The following CDH18 variants were observed in gnomAD, a reference collection of about 807,000 sequenced individuals.
CDH18 encodes the protein cadherin 18.
CDH18 carries 31 observed loss-of-function variants against 67.9 expected under a neutral mutation model. The ratio of observed to expected loss-of-function variants is 0.46; its 90% CI spans 0.34 to 0.62. CDH18 has a LOEUF of 0.62. CDH18 is among the 20% of genes least tolerant of loss of function. CDH18 has a pLI of 0.01. For synonymous variants in CDH18, 362 were observed against 347.2 expected, an observed-to-expected ratio of 1.04 and a Z score of -0.48; for missense variants, 890 against 975.5, an observed-to-expected ratio of 0.91 and a Z score of 1.17.
At chr5:19,618,498 GC>G (rs1340553065) in intron 5 of CDH18, among the ~76,000 whole-genome samples, 1 of 152,022 alleles carries the variant, frequency 6.6e-6, no homozygotes, top group Non-Finnish European at 1.5e-5. Flanking sequence ...GAGCCACCGT[GC>G]CTGGCCTACT....
At chr5:19,696,016 A>G (rs1332363177) in intron 5 of CDH18, among the ~76,000 whole-genome samples, 1 of 152,184 alleles carries the variant, frequency 6.6e-6, no homozygotes, top group Non-Finnish European at 1.5e-5. Context: ...TTTTCATCTA[A>G]AAAAATTCTC....
chr5:20,520,206 A>G (rs1755661013), intron 1 of CDH18, among the ~76,000 whole-genome samples: 1 of 151,896 alleles, frequency 6.6e-6, no homozygotes, highest in Non-Finnish European at 1.5e-5. Flanking sequence ...ACTAGGACCA[A>G]GTAGAGGTAA....
rs1220291518 is a variant in CDH18 at position 20,379,403 on chromosome 5, A to G, written c.-579-123898T>C. 2.6e-5 allele frequency among the ~76,000 whole-genome samples: 4 copies of G among 152,202 alleles called. No homozygotes were observed. The East Asian group carries it at 7.7e-4, about 29-fold the overall frequency. On this transcript the variant is annotated intron_variant, in intron 1 of 14. Coordinates refer to the CDH18 transcript ENST00000507958. ...ATGCCAACTTCAGTTTCTCCTGAGC[A>G]GGTATCATATTGTCAGCCTCAAAAA...
rs148808810 is a variant in CDH18 at position 20,521,679 on chromosome 5, T to C, written c.-580+53783A>G. The stretch of plus-strand genomic sequence containing the variant: ...GTGTAGAGTTAATGGCAAATGCGTT[T>C]GTAGGCTGATTACAATAACTCAGCA... On this transcript the variant is annotated intron_variant, in intron 1 of 14. Transcript: ENST00000507958. 5.9e-3 allele frequency among the ~76,000 whole-genome samples: 897 copies of C among 152,170 alleles called. 9 individuals carry two copies. The highest frequency in any genetic ancestry group is 0.037 in the Middle Eastern group (11 of 294).
At chr5:19,906,804 G>A (rs1790587130) in intron 2 of CDH18, among the ~76,000 whole-genome samples, 1 of 151,922 alleles carries the variant, frequency 6.6e-6, no homozygotes. Flanking sequence ...ATTGGGCCAT[G>A]ATAATAATAA....
intron 2 of CDH18, among the ~76,000 whole-genome samples, chr5:20,201,525 T>C (rs1465560308): frequency 6.6e-6 from 1 of 152,098 alleles, no homozygotes; most frequent in African/African-American, 2.4e-5. Flanking sequence ...TTGTTTTTTG[T>C]CAATGCAGTA....
At chr5:19,756,501 A>C (rs1306324096) in intron 3 of CDH18, among the ~76,000 whole-genome samples, 1 of 152,178 alleles carries the variant, frequency 6.6e-6, no homozygotes, top group African/African-American at 2.4e-5. Flanking sequence ...AGTTTCCATT[A>C]ACCTTAATCA....
At chr5:20,095,329 A>C (rs1384113994) in intron 2 of CDH18, among the ~76,000 whole-genome samples, 9 of 142,944 alleles carry the variant, frequency 6.3e-5, no homozygotes, top group African/African-American at 1.9e-4. Context: ...GAAAGAAAGA[A>C]AGAAAGAAAG....
chr5:19,672,993 C>G (rs186680334), intron 5 of CDH18, among the ~76,000 whole-genome samples: 22 of 152,028 alleles, frequency 1.4e-4, no homozygotes, highest in Non-Finnish European at 2.5e-4. Flanking sequence ...ATAATTAAAT[C>G]AGAAATGTCT....
At chr5:19,779,143 G>C (rs1469566624) in intron 3 of CDH18, among the ~76,000 whole-genome samples, 1 of 152,102 alleles carries the variant, frequency 6.6e-6, no homozygotes, top group Non-Finnish European at 1.5e-5. Context: ...AGGGAAAACT[G>C]AGACTATGGA....
rs1394724723 is a variant in CDH18, at chr5:20,370,210, C to A, written c.-579-114705G>T. Among the ~76,000 whole-genome samples, 3 of 151,630 alleles carry A rather than the reference C, an allele frequency of 2.0e-5. No individual in the cohort carries two copies. In the East Asian group the frequency reaches 5.8e-4, roughly 29 times the overall value. On this transcript the variant is annotated intron_variant, in intron 1 of 14. Coordinates refer to the CDH18 transcript ENST00000507958. ...ATTACTATCCTTATCACCATCATTA[C>A]TATCCTTGTCACCGTCATCATTATT...
At chr5:19,849,771 TATATATATATATGAAC>T (rs1783483868) in intron 2 of CDH18, among the ~76,000 whole-genome samples, 1 of 66,238 alleles carries the variant, frequency 1.5e-5, no homozygotes, top group Non-Finnish European at 4.0e-5. Flanking sequence ...TATATAAACA[TATATATATATATGAAC>T]ATATATATAC....
intron 5 of CDH18, among the ~76,000 whole-genome samples, chr5:19,690,045 AAT>A (rs1561055802): frequency 6.6e-6 from 1 of 150,480 alleles, no homozygotes. Flanking sequence ...GAAGGGATCA[AAT>A]ATATATATGT....
At chr5:19,610,181 G>C (rs535918826) in intron 6 of CDH18, among the ~76,000 whole-genome samples, 65 of 152,128 alleles carry the variant, frequency 4.3e-4, no homozygotes, top group African/African-American at 1.5e-3. Context: ...ATTTACATCT[G>C]TCAGTCATTC....
chr5:20,572,465 C>T (rs940493871), intron 1 of CDH18, among the ~76,000 whole-genome samples: 7 of 151,774 alleles, frequency 4.6e-5, no homozygotes, highest in African/African-American at 1.2e-4. Flanking sequence ...TATTTCAAGC[C>T]GTTGTTATTT....
chr5:20,051,888 T>C (rs2164430), intron 2 of CDH18, among the ~76,000 whole-genome samples: 46,750 of 151,902 alleles, frequency 0.31, 8,174 homozygotes, highest in Non-Finnish European at 0.38. Flanking sequence ...ATCACTCCAA[T>C]ACAAGGGAAA....
At chr5:19,749,519 CTTAG>C (rs1223756983) in intron 3 of CDH18, among the ~76,000 whole-genome samples, 1 of 150,816 alleles carries the variant, frequency 6.6e-6, no homozygotes, top group African/African-American at 2.4e-5. Context: ...TTTGATGTCA[CTTAG>C]TTTTTTTATT....
chr5:19,582,258 T>G (rs577925589), intron 7 of CDH18, among the ~76,000 whole-genome samples: 122 of 152,082 alleles, frequency 8.0e-4, no homozygotes, highest in African/African-American at 2.9e-3. Context: ...TAATTAAAAA[T>G]ACCCAATACA....
chr5:20,078,474 C>CAAAA (rs1328043952), intron 2 of CDH18, among the ~76,000 whole-genome samples: 1 of 150,808 alleles, frequency 6.6e-6, no homozygotes, highest in African/African-American at 2.4e-5. Context: ...AAACAAAAAA[C>CAAAA]AAAAAACAAA....
Sources: allele counts gnomAD v4.1 joint callset (sites outside exome capture counted in the v4.1 genomes callset), GRCh38; gene constraint gnomAD v4.1.1; transcripts MANE v1.5; gene names NCBI Gene and HGNC (gene_info 2026-07-23, HGNC 2026-07-21).